The following SGCZ variants were observed in gnomAD, a reference collection of about 807,000 sequenced individuals.
SGCZ encodes the protein zeta-sarcoglycan.
Under a neutral mutation model 41.3 loss-of-function variants are expected in SGCZ, and 40 were observed. The observed-to-expected ratio is 0.97, with a 90% CI of 0.75 to 1.26. The LOEUF (loss-of-function observed/expected upper bound fraction) is 1.26, where lower values mean the gene tolerates loss of function less well. SGCZ is among the 50% of genes most tolerant of loss of function. The probability of loss-of-function intolerance (pLI) is 0.00; values close to 1 mark genes in which losing one functional copy is unlikely to be tolerated. For missense variants in SGCZ, 552 were observed against 369.8 expected (o/e 1.49, Z -4.04); for synonymous variants, 206 against 137.5 (o/e 1.50, Z -3.49).
intron 1 of SGCZ, among the ~76,000 whole-genome samples, chr8:15,154,507 C>T (rs12549055): frequency 0.21 from 32,262 of 152,086 alleles, 3,817 homozygotes; most frequent in East Asian, 0.47. Context: ...AGATGGACCC[C>T]AGTACAGACA....
At chr8:14,694,400 T>C (rs1257867467) in intron 1 of SGCZ, among the ~76,000 whole-genome samples, 1 of 152,218 alleles carries the variant, frequency 6.6e-6, no homozygotes, top group Non-Finnish European at 1.5e-5. Context: ...CAATTCTAAT[T>C]GGAAAATTCA....
At chr8:14,210,747 G>A (rs756784181) in intron 4 of SGCZ, among the ~76,000 whole-genome samples, 2 of 152,206 alleles carry the variant, frequency 1.3e-5, no homozygotes, top group South Asian at 4.1e-4. Flanking sequence ...GATTACAGGC[G>A]TGAGCCACTG....
At chr8:14,259,355 T>G (rs1370709499) in intron 3 of SGCZ, among the ~76,000 whole-genome samples, 1 of 151,900 alleles carries the variant, frequency 6.6e-6, no homozygotes, top group African/African-American at 2.4e-5. Context: ...TTGCCATTGC[T>G]TTTGGTGTTT....
chr8:14,440,084 G>C (rs1800203953), intron 2 of SGCZ, among the ~76,000 whole-genome samples: 1 of 151,878 alleles, frequency 6.6e-6, no homozygotes. Context: ...AGGTCCAACT[G>C]TGTTCTTATA....
chr8:15,207,378 G>C (rs1356921128), intron 1 of SGCZ, among the ~76,000 whole-genome samples: 9 of 152,202 alleles, frequency 5.9e-5, no homozygotes, highest in Admixed American at 5.2e-4. Flanking sequence ...GGCTAGACTG[G>C]AAACTAATGA....
At chr8:14,383,349 C>G (rs1437595508) in intron 2 of SGCZ, among the ~76,000 whole-genome samples, 1 of 152,186 alleles carries the variant, frequency 6.6e-6, no homozygotes, top group Non-Finnish European at 1.5e-5. Flanking sequence ...GATTTTATCA[C>G]TACTTAACGA....
chr8:14,471,536 G>A (rs537286350), intron 2 of SGCZ, among the ~76,000 whole-genome samples: 29 of 152,124 alleles, frequency 1.9e-4, no homozygotes, highest in Admixed American at 1.6e-3. Flanking sequence ...AGTGGAGACT[G>A]TGTTCCCCCA....
At position 14,190,634 on chromosome 8, in the gene SGCZ, G is replaced by A. The variant is rs370311231; in HGVS notation, c.425-25932C>T. 4.6e-5 allele frequency among the ~76,000 whole-genome samples: 7 copies of A among 151,848 alleles called. No homozygotes were observed. The South Asian group carries it at 6.2e-4, about 14-fold the overall frequency. ...TTTTGTTTTTTTGAGATGGAGTCTCGCTCTGTCGCCCAGGCTGGAGTGCAG... is the reference window on the plus strand; with the variant it reads ...TTTTGTTTTTTTGAGATGGAGTCTCACTCTGTCGCCCAGGCTGGAGTGCAG... On this transcript the variant is annotated intron_variant, in intron 4 of 7. Coordinates refer to ENST00000382080, the MANE Select transcript of SGCZ (RefSeq NM_139167.4).
chr8:14,704,623 A>G (rs1405052708), intron 1 of SGCZ, among the ~76,000 whole-genome samples: 3 of 151,982 alleles, frequency 2.0e-5, no homozygotes, highest in Admixed American at 2.0e-4. Flanking sequence ...TCAAAGGCTC[A>G]CTTTCTCCAT....
At chr8:14,610,444 G>T (rs1805891277) in intron 1 of SGCZ, among the ~76,000 whole-genome samples, 1 of 152,018 alleles carries the variant, frequency 6.6e-6, no homozygotes, top group Non-Finnish European at 1.5e-5. Flanking sequence ...TTCCTCAATT[G>T]CCTCCTTTAG....
chr8:14,676,699 A>T (rs1254209300), intron 1 of SGCZ, among the ~76,000 whole-genome samples: 1 of 152,232 alleles, frequency 6.6e-6, no homozygotes, highest in Non-Finnish European at 1.5e-5. Context: ...GAAGGATAAA[A>T]ATCAACTAAT....
At chr8:14,199,982 A>G (rs530683657) in intron 4 of SGCZ, among the ~76,000 whole-genome samples, 8 of 152,310 alleles carry the variant, frequency 5.3e-5, no homozygotes, top group Non-Finnish European at 1.0e-4. Context: ...GTGCTCAATT[A>G]AGATGAAAAA....
chr8:14,186,028 T>A (rs190334876), intron 4 of SGCZ, among the ~76,000 whole-genome samples: 1 of 152,306 alleles, frequency 6.6e-6, no homozygotes, highest in East Asian at 1.9e-4. Context: ...ACCTTTGAGT[T>A]GCACACACTT....
chr8:14,324,913 G>A (rs979449600), intron 2 of SGCZ, among the ~76,000 whole-genome samples: 2 of 152,174 alleles, frequency 1.3e-5, no homozygotes, highest in African/African-American at 4.8e-5. Flanking sequence ...TTTCAACAGG[G>A]AAGGTCCCTG....
intron 3 of SGCZ, among the ~76,000 whole-genome samples, chr8:14,251,828 G>A (rs929479694): frequency 6.6e-6 from 1 of 152,066 alleles, no homozygotes; most frequent in African/African-American, 2.4e-5. Context: ...TGGTTCTCCT[G>A]CCTCAGCCTC....
intron 2 of SGCZ, among the ~76,000 whole-genome samples, chr8:14,446,309 C>T (rs556463420): frequency 7.2e-5 from 11 of 152,264 alleles, no homozygotes; most frequent in Admixed American, 4.6e-4. Flanking sequence ...CTTACCAGCT[C>T]CCAAAATCTT....
At chr8:15,195,025 C>T (rs1321856755) in intron 1 of SGCZ, among the ~76,000 whole-genome samples, 1 of 152,190 alleles carries the variant, frequency 6.6e-6, no homozygotes, top group Admixed American at 6.5e-5. Flanking sequence ...ATCTTATTAT[C>T]TTAGCATCTA....
At chr8:14,386,012 A>G (rs1804561666) in intron 2 of SGCZ, among the ~76,000 whole-genome samples, 1 of 152,138 alleles carries the variant, frequency 6.6e-6, no homozygotes, top group Non-Finnish European at 1.5e-5. Flanking sequence ...GTTATACTCT[A>G]CTTTTAATGT....
At chr8:14,850,132 A>T (rs1176360371) in intron 1 of SGCZ, among the ~76,000 whole-genome samples, 1 of 152,178 alleles carries the variant, frequency 6.6e-6, no homozygotes, top group East Asian at 1.9e-4. Flanking sequence ...ACACTATTAG[A>T]TTCATGATGT....
Sources: allele counts gnomAD v4.1 joint callset (sites outside exome capture counted in the v4.1 genomes callset), GRCh38; gene constraint gnomAD v4.1.1; transcripts MANE v1.5; gene names NCBI Gene and HGNC (gene_info 2026-07-23, HGNC 2026-07-21).